ENO4: variants seen among roughly 807,000 people sequenced by gnomAD.
ENO4 encodes enolase 4, also known as 2-phospho-D-glycerate hydro-lyase.
A neutral mutation model predicts 63.2 loss-of-function variants in ENO4; 53 were observed. The ratio of observed to expected loss-of-function variants is 0.84; its 90% CI spans 0.67 to 1.05. The LOEUF is 1.05. ENO4 is among the 50% of genes least tolerant of loss of function. ENO4 has a pLI of 0.00. For synonymous variants in ENO4, 266 were observed against 283.8 expected (o/e 0.94, Z 0.63); for missense variants, 719 against 772.0 (o/e 0.93, Z 0.81).
At chr10:116,867,498 A>C (rs1846577904) in intron 7 of ENO4, among the ~76,000 whole-genome samples, 1 of 151,718 alleles carries the variant, frequency 6.6e-6, no homozygotes, top group Non-Finnish European at 1.5e-5. Context: ...CTGAGGCAGA[A>C]GGATTGTTTG....
rs141118954 is a variant in ENO4 at position 116,872,357 on chromosome 10, G to A, written c.1215+1065G>A. 2.6e-5 allele frequency among the ~76,000 whole-genome samples: 4 copies of A among 152,118 alleles called. No homozygotes were observed. In the East Asian group the frequency reaches 7.7e-4, roughly 29 times the overall value. ...GTTTGGCTGTGTCCCCACCCAATTC[G>A]CATCTTGAATTGTAGCTCCCATGAT... is the stretch of plus-strand genomic sequence containing the variant. On this transcript the variant is annotated intron_variant, in intron 9 of 13. Transcript: ENST00000341276.
chr10:116,874,655 T>G (rs1274745585), intron 10 of ENO4, among the ~76,000 whole-genome samples: 1 of 152,136 alleles, frequency 6.6e-6, no homozygotes, highest in Non-Finnish European at 1.5e-5. Context: ...TCACTATATA[T>G]GCATAAACGT....
intron 2 of ENO4, among the ~76,000 whole-genome samples, chr10:116,856,184 A>T (rs1274258774): frequency 6.6e-6 from 1 of 152,144 alleles, no homozygotes; most frequent in Non-Finnish European, 1.5e-5. Flanking sequence ...GTTAGAAATA[A>T]TTTTTGCCAT....
At chr10:116,849,812 C>T in intron 1 of ENO4, 81 bp downstream of exon 1, 18 of 1,417,524 alleles carry the variant, frequency 1.3e-5, no homozygotes, top group Non-Finnish European at 1.7e-5. Flanking sequence ...TGCGCCTGCG[C>T]CTGCGCCTCA....
intron 10 of ENO4, among the ~76,000 whole-genome samples, chr10:116,891,518 A>G (rs1847342358): frequency 6.6e-6 from 1 of 152,002 alleles, no homozygotes; most frequent in Non-Finnish European, 1.5e-5. Context: ...GAAAACAGAA[A>G]GATTTAAATT....
At position 116,888,416 on chromosome 10, in the gene ENO4, G is replaced by A. The variant is rs553615492; in HGVS notation, c.1194+8430G>A. On this transcript the variant is annotated intron_variant, in intron 10 of 10. Coordinates refer to the ENO4 transcript ENST00000369207. ...AGGAATCAGACCTTAGGGAATGAGAGGCACTAGTCATGCCGTCTGTGTAAA... is the reference window on the plus strand; with the variant it reads ...AGGAATCAGACCTTAGGGAATGAGAAGCACTAGTCATGCCGTCTGTGTAAA... Among the ~76,000 whole-genome samples the A allele has an allele frequency of 1.1e-4, 17 of 152,196 alleles. No individual in the cohort carries two copies. The South Asian group carries it at 2.5e-3, about 22-fold the overall frequency.
In ENO4 at chr10:116,872,628, C is replaced by A. The variant is rs141622286; in HGVS notation, c.1215+1336C>A. Reference sequence around the variant, plus strand: ...TTAAACCTCTTTCCTTTACAAATTACTCAGTCTCAGGTATGTCTTTATTAG... The same window carrying A: ...TTAAACCTCTTTCCTTTACAAATTAATCAGTCTCAGGTATGTCTTTATTAG... On this transcript the variant is annotated intron_variant, in intron 9 of 13. Transcript: ENST00000341276. 3.8e-3 allele frequency among the ~76,000 whole-genome samples: 574 copies of A among 152,278 alleles called. 3 individuals carry two copies. The highest frequency in any genetic ancestry group is 0.013 in the African/African-American group (545 of 41,556).
intron 10 of ENO4, among the ~76,000 whole-genome samples, chr10:116,906,322 C>T (rs543295163): frequency 6.6e-6 from 1 of 152,312 alleles, no homozygotes; most frequent in South Asian, 2.1e-4. Flanking sequence ...AGAGCCTGTA[C>T]TTGATGCTAT....
chr10:116,892,161 C>T (rs1229503304), intron 10 of ENO4, among the ~76,000 whole-genome samples: 2 of 152,170 alleles, frequency 1.3e-5, no homozygotes, highest in Admixed American at 6.5e-5. Flanking sequence ...TCCCAGTACA[C>T]GGCTTACCTC....
chr10:116,886,074 T>C (rs369817717), downstream of ENO4: 19 of 441,242 alleles, frequency 4.3e-5, no homozygotes, highest in African/African-American at 2.4e-4. Context: ...TTTTGTAACC[T>C]TCTAAAAGAA....
At chr10:116,888,135 T>G (rs190201440) in intron 10 of ENO4, among the ~76,000 whole-genome samples, 66 of 152,272 alleles carry the variant, frequency 4.3e-4, no homozygotes, top group Admixed American at 2.0e-3. Flanking sequence ...ACAAAAATAA[T>G]CAGGAGCCTG....
At chr10:116,900,865 A>T (rs1847705416) in intron 10 of ENO4, 1 of 985,292 alleles carries the variant, frequency 1.0e-6, no homozygotes, top group Admixed American at 6.1e-5. Flanking sequence ...AGAGAAAAAA[A>T]AGTTAATAGT....
At chr10:116,878,177 A>T (rs990899010) in intron 11 of ENO4, among the ~76,000 whole-genome samples, 29 of 152,206 alleles carry the variant, frequency 1.9e-4, no homozygotes, top group Admixed American at 6.5e-5. Flanking sequence ...GTTCATGGGC[A>T]TCTTGTACAC....
At chr10:116,904,359 T>C (rs368107683) in intron 10 of ENO4, among the ~76,000 whole-genome samples, 3 of 152,144 alleles carry the variant, frequency 2.0e-5, no homozygotes, top group East Asian at 3.8e-4. Context: ...AGTTTGATAA[T>C]AGAAAAATGT....
Position 116,856,723 on chromosome 10 carries a change from C to T in ENO4, c.485+41C>T, listed in dbSNP as rs1158339748. The T allele has an allele frequency of 5.5e-6, 8 of 1,453,052 alleles. No individual in the cohort carries two copies. In the Admixed American group the frequency reaches 9.4e-5, roughly 17 times the overall value. 90.0% of individuals were successfully genotyped at this position (1,453,052 alleles called of 1,614,324 possible). The stretch of plus-strand genomic sequence containing the variant: ...TGAAATATAAACATCAAGTACAAGC[C>T]GGGCACAGTGGCTCACGCCTGTAAT... On this transcript the variant is annotated intron_variant, in intron 3 of 13. Transcript: ENST00000341276.
intron 1 of ENO4, among the ~76,000 whole-genome samples, chr10:116,854,401 T>C (rs1005071059): frequency 2.6e-5 from 4 of 151,444 alleles, no homozygotes; most frequent in African/African-American, 9.7e-5. Flanking sequence ...CTACTAAAAA[T>C]ACAAAAGAAT....
At chr10:116,876,729 T>C (rs889268165) in intron 11 of ENO4, among the ~76,000 whole-genome samples, 2 of 152,136 alleles carry the variant, frequency 1.3e-5, no homozygotes, top group South Asian at 4.1e-4. Flanking sequence ...GGCCGGCGGA[T>C]CACGAGGTCA....
downstream of ENO4, chr10:116,886,191 T>C (rs1395210579): frequency 2.1e-5 from 22 of 1,067,182 alleles, no homozygotes; most frequent in Non-Finnish European, 2.8e-5. Context: ...CTTATGTTTA[T>C]AGTTGCTACT....
chr10:116,901,161 A>C, intron 10 of ENO4: 2 of 985,428 alleles, frequency 2.0e-6, no homozygotes, highest in Non-Finnish European at 2.4e-6. Context: ...TAATTTCAAA[A>C]AAGAGCTGCC....
Sources: gnomAD v4.1 joint callset for allele counts (sites outside exome capture counted in the v4.1 genomes callset) on GRCh38, gnomAD v4.1.1 for gene constraint, MANE v1.5 for transcripts, NCBI Gene and HGNC (gene_info 2026-07-23, HGNC 2026-07-21) for gene names.